DGKB: variants seen among roughly 807,000 people sequenced by gnomAD.
DGKB encodes the protein 90 kDa diacylglycerol kinase.
In DGKB, 67 loss-of-function variants were observed where a neutral mutation model predicts 114.3. The observed-to-expected ratio is 0.59, with a 90% CI of 0.48 to 0.72. The LOEUF (loss-of-function observed/expected upper bound fraction) is 0.72. Ranked by LOEUF, DGKB falls within the 30% of genes least tolerant of loss-of-function variation. DGKB has a pLI of 0.00. For missense variants in DGKB, 907 were observed against 975.2 expected (o/e 0.93, Z 0.93); for synonymous variants, 398 against 323.1 (o/e 1.23, Z -2.49).
intron 2 of DGKB, among the ~76,000 whole-genome samples, chr7:14,777,831 TG>T (rs879912492): frequency 4.6e-5 from 7 of 151,968 alleles, no homozygotes; most frequent in African/African-American, 7.3e-5. Context: ...GAATTTAAGG[TG>T]TTTTTTTTCT....
intron 20 of DGKB, among the ~76,000 whole-genome samples, chr7:14,573,294 T>C (rs923336331): frequency 1.3e-5 from 2 of 152,110 alleles, no homozygotes; most frequent in African/African-American, 4.8e-5. Flanking sequence ...AAATGTACAA[T>C]CATATTTGTA....
chr7:14,685,790 T>G (rs1821575225), intron 9 of DGKB, among the ~76,000 whole-genome samples: 1 of 152,180 alleles, frequency 6.6e-6, no homozygotes, highest in African/African-American at 2.4e-5. Flanking sequence ...TAACCCTTGC[T>G]TACTAGTAGT....
At chr7:14,881,493 A>G (rs1049656188) in intron 1 of DGKB, among the ~76,000 whole-genome samples, 1 of 152,170 alleles carries the variant, frequency 6.6e-6, no homozygotes, top group Non-Finnish European at 1.5e-5. Context: ...AATTGCCAAA[A>G]GAACATTCTT....
At chr7:14,300,236 G>A (rs1452647873) in intron 23 of DGKB, among the ~76,000 whole-genome samples, 1 of 152,054 alleles carries the variant, frequency 6.6e-6, no homozygotes, top group Admixed American at 6.6e-5. Flanking sequence ...GATTTTAAAT[G>A]TTAACATACA....
chr7:14,470,966 T>G (rs1781197157), intron 21 of DGKB, among the ~76,000 whole-genome samples: 1 of 151,370 alleles, frequency 6.6e-6, no homozygotes, highest in African/African-American at 2.4e-5. Flanking sequence ...TATAGCATTT[T>G]TCTGTCACTA....
intron 23 of DGKB, among the ~76,000 whole-genome samples, chr7:14,217,111 G>A (rs1398260870): frequency 1.3e-5 from 2 of 152,136 alleles, no homozygotes; most frequent in Non-Finnish European, 2.9e-5. Context: ...AATGACAAGA[G>A]AAAGGGCCAG....
At chr7:14,433,511 G>T (rs1828792620) in intron 21 of DGKB, among the ~76,000 whole-genome samples, 1 of 152,022 alleles carries the variant, frequency 6.6e-6, no homozygotes, top group South Asian at 2.1e-4. Context: ...GAAAGCGGAA[G>T]TATTCTACGG....
At chr7:14,460,863 T>C (rs1013659608) in intron 21 of DGKB, among the ~76,000 whole-genome samples, 23 of 151,982 alleles carry the variant, frequency 1.5e-4, no homozygotes, top group African/African-American at 5.6e-4. Flanking sequence ...AGTAAAACAT[T>C]CCTCAGCACA....
At chr7:14,774,319 GC>G (rs1562500590) in intron 2 of DGKB, among the ~76,000 whole-genome samples, 2 of 152,136 alleles carry the variant, frequency 1.3e-5, no homozygotes, top group African/African-American at 4.8e-5. Context: ...CAAGAACTTT[GC>G]CTAAGGCACA....
intron 4 of DGKB, among the ~76,000 whole-genome samples, chr7:14,747,844 A>G (rs1011953794): frequency 2.0e-5 from 3 of 151,824 alleles, no homozygotes; most frequent in African/African-American, 4.9e-5. Context: ...TTTTTTCCTT[A>G]AGGAACAGCC....
intron 5 of DGKB, among the ~76,000 whole-genome samples, chr7:14,733,308 G>A (rs1237026347): frequency 6.6e-6 from 1 of 152,174 alleles, no homozygotes; most frequent in Non-Finnish European, 1.5e-5. Flanking sequence ...ACATCTTAAA[G>A]GGCTATCATG....
chr7:14,892,998 A>G (rs115422868), intron 1 of DGKB, among the ~76,000 whole-genome samples: 3 of 151,080 alleles, frequency 2.0e-5, no homozygotes, highest in African/African-American at 7.3e-5. Context: ...GTATATATGT[A>G]TATATGTGTA....
intron 23 of DGKB, among the ~76,000 whole-genome samples, chr7:14,299,441 T>C (rs1247982726): frequency 6.6e-6 from 1 of 152,120 alleles, no homozygotes; most frequent in Non-Finnish European, 1.5e-5. Context: ...AATGAATGGA[T>C]AGATAAATTA....
intron 23 of DGKB, among the ~76,000 whole-genome samples, chr7:14,226,570 TGAC>T (rs1790837534): frequency 6.6e-6 from 1 of 152,016 alleles, no homozygotes; most frequent in South Asian, 2.1e-4. Flanking sequence ...TTTAACATCA[TGAC>T]TATTTTCCTT....
chr7:14,954,129 G>A (rs1209547184), intron 1 of DGKB, among the ~76,000 whole-genome samples: 1 of 152,166 alleles, frequency 6.6e-6, no homozygotes, highest in South Asian at 2.1e-4. Flanking sequence ...TGTAGAAAGG[G>A]AAGGAGGTGT....
chr7:14,602,937 G>T (rs1265829780), intron 17 of DGKB, among the ~76,000 whole-genome samples: 2 of 152,196 alleles, frequency 1.3e-5, no homozygotes, highest in African/African-American at 4.8e-5. Context: ...TAGTCTAATT[G>T]CTATTTGGCC....
intron 2 of DGKB, among the ~76,000 whole-genome samples, chr7:14,804,067 T>TGGGGTGTG (rs57126337): frequency 1.4e-4 from 17 of 122,398 alleles, no homozygotes; most frequent in African/African-American, 6.2e-4. Context: ...ACTTCACTTT[T>TGGGGTGTG]TGGGTGTGTG....
At chr7:14,658,877 T>C (rs1325886997) in intron 13 of DGKB, among the ~76,000 whole-genome samples, 1 of 151,976 alleles carries the variant, frequency 6.6e-6, no homozygotes, top group East Asian at 1.9e-4. Flanking sequence ...ATAATTTATC[T>C]TGATGGTATT....
At chr7:14,964,501 AAAAT>A (rs1787039325) in intron 1 of DGKB, among the ~76,000 whole-genome samples, 2 of 152,192 alleles carry the variant, frequency 1.3e-5, no homozygotes, top group Non-Finnish European at 2.9e-5. Context: ...CGTTGTCTCA[AAAAT>A]AAATAAATAA....
Sources: gnomAD v4.1 joint callset for allele counts (sites outside exome capture counted in the v4.1 genomes callset) on GRCh38, gnomAD v4.1.1 for gene constraint, MANE v1.5 for transcripts, NCBI Gene and HGNC (gene_info 2026-07-23, HGNC 2026-07-21) for gene names.